CDA: variants seen among roughly 807,000 people sequenced by gnomAD.
The protein encoded by CDA is cytidine aminohydrolase.
CDA carries 7 observed loss-of-function variants against 15.0 expected under a neutral mutation model. That is an observed-to-expected ratio of 0.47 (90% CI 0.26 to 0.87). The LOEUF (loss-of-function observed/expected upper bound fraction) is 0.87. CDA is among the 40% of genes least tolerant of loss of function. CDA has a pLI of 0.15. For missense variants in CDA, 159 were observed against 182.7 expected (o/e 0.87, Z 0.75); for synonymous variants, 58 against 73.0 (o/e 0.79, Z 1.05).
Position 20,618,851 on chromosome 1 carries a change from C to A in CDA, c.*283C>A, listed in dbSNP as rs1338963950. The A allele has an allele frequency of 6.9e-6, 3 of 433,244 alleles. No individual in the cohort carries two copies. The highest frequency in any genetic ancestry group is 1.3e-5 in the Non-Finnish European group (3 of 230,478). The allele number at this position is 433,244 out of a possible 1,614,324, so 26.8% of individuals were successfully genotyped here. A position where few individuals can be genotyped will look rare whatever the true frequency, so the allele number is the denominator to read the frequency against. On this transcript the variant is annotated 3_prime_UTR_variant, in exon 4 of 4. Transcript: ENST00000375071. ...CTTCCCCATCAGCCTTCCCAAGGTT[C>A]TATCCTGTTCCGAGCAACTTTTCTA...
chr1:20,594,765 G>A (rs1257031607), intron 1 of CDA, among the ~76,000 whole-genome samples: 4 of 150,014 alleles, frequency 2.7e-5, no homozygotes, highest in East Asian at 2.0e-4. Flanking sequence ...CTCCAGCCTG[G>A]GCGACAGAGC....
chr1:20,605,078 C>T, intron 2 of CDA, 39 bp downstream of exon 2: 2 of 1,165,376 alleles, frequency 1.7e-6, no homozygotes, highest in Non-Finnish European at 2.6e-6. Flanking sequence ...ATTCATTCAT[C>T]TCTTTAGCCA....
intron 2 of CDA, 82 bp from the exon 3 acceptor site, chr1:20,613,760 C>A: frequency 7.5e-7 from 1 of 1,331,384 alleles, no homozygotes; most frequent in Non-Finnish European, 1.1e-6. Context: ...CAGGAACAGA[C>A]CGAGTCTCAG....
intron 1 of CDA, among the ~76,000 whole-genome samples, chr1:20,589,607 C>T (rs1467571436): frequency 2.0e-5 from 3 of 152,156 alleles, no homozygotes; most frequent in Admixed American, 1.3e-4. Flanking sequence ...TTCCCAGCCT[C>T]GGATATGTCT....
At chr1:20,613,954 T>C (rs372584463) in intron 3 of CDA, 55 bp downstream of exon 3, 22 of 1,537,604 alleles carry the variant, frequency 1.4e-5, no homozygotes, top group Admixed American at 3.4e-5. Context: ...TCGCAGGCTA[T>C]GGGAGCCACG....
At chr1:20,592,359 C>G (rs982002822) in intron 1 of CDA, among the ~76,000 whole-genome samples, 1 of 152,108 alleles carries the variant, frequency 6.6e-6, no homozygotes, top group Non-Finnish European at 1.5e-5. Context: ...TTTTCTGCCT[C>G]GTAATAAGAA....
intron 2 of CDA, among the ~76,000 whole-genome samples, chr1:20,609,398 A>G (rs2052725095): frequency 6.6e-6 from 1 of 152,180 alleles, no homozygotes; most frequent in African/African-American, 2.4e-5. Flanking sequence ...AGGCAGGAGA[A>G]TGGCGCGAAC....
At chr1:20,599,323 T>A (rs2052618072) in intron 1 of CDA, among the ~76,000 whole-genome samples, 1 of 152,046 alleles carries the variant, frequency 6.6e-6, no homozygotes, top group Admixed American at 6.6e-5. Context: ...CTTGTAGTCA[T>A]AAGAAGGATT....
At chr1:20,589,935 G>A (rs1053385777) in intron 1 of CDA, among the ~76,000 whole-genome samples, 7 of 152,214 alleles carry the variant, frequency 4.6e-5, no homozygotes, top group Admixed American at 6.5e-5. Flanking sequence ...GGGCGGGGGC[G>A]GGTAATGGAA....
At chr1:20,616,033 AT>A (rs1251821753) in intron 3 of CDA, among the ~76,000 whole-genome samples, 1 of 152,048 alleles carries the variant, frequency 6.6e-6, no homozygotes, top group African/African-American at 2.4e-5. Context: ...ATCTTGTTTA[AT>A]CCCCTCCCCA....
At chr1:20,589,750 G>A (rs770401091) in intron 1 of CDA, among the ~76,000 whole-genome samples, 73 of 152,292 alleles carry the variant, frequency 4.8e-4, no homozygotes, top group Non-Finnish European at 2.9e-4. Context: ...CACACGGGGC[G>A]CTGGTGGTGA....
chr1:20,592,221 T>C (rs2052555841), intron 1 of CDA, among the ~76,000 whole-genome samples: 1 of 152,166 alleles, frequency 6.6e-6, no homozygotes, highest in Non-Finnish European at 1.5e-5. Flanking sequence ...TATGCTGGTA[T>C]GCCTGGCACG....
chr1:20,608,844 G>C (rs770591674), intron 2 of CDA, among the ~76,000 whole-genome samples: 3 of 152,138 alleles, frequency 2.0e-5, no homozygotes, highest in African/African-American at 7.2e-5. Flanking sequence ...TGGGCAAGTC[G>C]TTTCACCTTT....
chr1:20,595,542 C>T (rs190601891), intron 1 of CDA, among the ~76,000 whole-genome samples: 2 of 152,302 alleles, frequency 1.3e-5, no homozygotes, highest in Admixed American at 1.3e-4. Flanking sequence ...CTTCAGCTTA[C>T]AGCCCAGCTC....
intron 2 of CDA, among the ~76,000 whole-genome samples, chr1:20,612,725 A>G (rs111963142): frequency 0.025 from 3,774 of 152,074 alleles, 158 homozygotes; most frequent in African/African-American, 0.085. Context: ...TGGGCGGATC[A>G]TGAGGTCAGG....
chr1:20,589,498 C>G (rs2052529162), intron 1 of CDA, among the ~76,000 whole-genome samples: 1 of 152,116 alleles, frequency 6.6e-6, no homozygotes, highest in Non-Finnish European at 1.5e-5. Flanking sequence ...GCTTAGAGGA[C>G]TGGGATGAGG....
At position 20,618,853 on chromosome 1, in the gene CDA, A is replaced by G. The variant is rs551759011; in HGVS notation, c.*285A>G. Reference sequence around the variant, plus strand: ...TCCCCATCAGCCTTCCCAAGGTTCTATCCTGTTCCGAGCAACTTTTCTAAT... The same window carrying G: ...TCCCCATCAGCCTTCCCAAGGTTCTGTCCTGTTCCGAGCAACTTTTCTAAT... On this transcript the variant is annotated 3_prime_UTR_variant, in exon 4 of 4. Transcript: ENST00000375071. The G allele has an allele frequency of 2.6e-4, 110 of 428,896 alleles. No homozygotes were observed. Among genetic ancestry groups the G allele is most frequent in the African/African-American group, 2.0e-3 (97 of 49,508 alleles). The allele number at this position is 428,896 out of a possible 1,614,324, so 26.6% of individuals were successfully genotyped here. A position where few individuals can be genotyped will look rare whatever the true frequency, so the allele number is the denominator to read the frequency against.
In CDA at chr1:20,618,738, C is replaced by T. The variant is rs2052844963; in HGVS notation, c.*170C>T. 2 of 636,836 alleles carry T rather than the reference C, an allele frequency of 3.1e-6. No homozygotes were observed. The highest frequency in any genetic ancestry group is 2.9e-5 in the East Asian group (1 of 35,052). The allele number at this position is 636,836 out of a possible 1,614,324, so 39.4% of individuals were successfully genotyped here. ...GTCAGCACCCCTCCTAGCAACCTGCCTTGGGACTTAGAACACCGCCGCCCC... is the reference window on the plus strand; with the variant it reads ...GTCAGCACCCCTCCTAGCAACCTGCTTTGGGACTTAGAACACCGCCGCCCC... On this transcript the variant is annotated 3_prime_UTR_variant, in exon 4 of 4. Coordinates refer to ENST00000375071, the MANE Select transcript of CDA (RefSeq NM_001785.3).
intron 2 of CDA, among the ~76,000 whole-genome samples, chr1:20,608,550 C>T (rs1309845494): frequency 2.6e-5 from 4 of 152,144 alleles, no homozygotes; most frequent in Admixed American, 2.6e-4. Context: ...ATTGAGACTA[C>T]AGGTGCCGGC....
Sources: gnomAD v4.1 joint callset for allele counts (sites outside exome capture counted in the v4.1 genomes callset) on GRCh38, gnomAD v4.1.1 for gene constraint, MANE v1.5 for transcripts, NCBI Gene and HGNC (gene_info 2026-07-23, HGNC 2026-07-21) for gene names.